The following EPHA5 variants were observed in gnomAD, a reference collection of about 807,000 sequenced individuals.
EPHA5 encodes ephrin type-A receptor 5.
Under a neutral mutation model 105.0 loss-of-function variants are expected in EPHA5, and 60 were observed. The observed-to-expected ratio is 0.57, with a 90% CI of 0.46 to 0.71. EPHA5 has a LOEUF of 0.71. EPHA5 is among the 30% of genes least tolerant of loss of function. The probability of loss-of-function intolerance (pLI) is 0.00; values close to 1 mark genes in which losing one functional copy is unlikely to be tolerated. For missense variants in EPHA5, 1,218 were observed against 1,274.7 expected (o/e 0.96, Z 0.68); for synonymous variants, 513 against 449.1 (o/e 1.14, Z -1.80).
At chr4:65,464,999 TAAG>T (rs1285423568) in intron 5 of EPHA5, among the ~76,000 whole-genome samples, 1 of 152,016 alleles carries the variant, frequency 6.6e-6, no homozygotes, top group African/African-American at 2.4e-5. Context: ...AAGAGACAAA[TAAG>T]AACATTACAA....
chr4:65,331,185 G>A (rs1720579930), intron 16 of EPHA5: 2 of 1,027,226 alleles, frequency 1.9e-6, no homozygotes, highest in Non-Finnish European at 2.3e-6. Flanking sequence ...ATATTCACAG[G>A]TTAAAACATT....
intron 3 of EPHA5, among the ~76,000 whole-genome samples, chr4:65,547,874 T>A (rs1737536133): frequency 6.6e-6 from 1 of 152,014 alleles, no homozygotes; most frequent in Non-Finnish European, 1.5e-5. Context: ...GAAGGCAATC[T>A]TATATAGAAT....
Position 65,363,957 on chromosome 4 carries a change from T to TA in EPHA5, c.2173+1059dup, listed in dbSNP as rs1026949853. Reference sequence around the variant, plus strand: ...ATAAAATATTTTTGTTTTATTCCATTAAAAAAATGCTGTTTCCTCTGCCTG... The same window carrying TA: ...ATAAAATATTTTTGTTTTATTCCATTAAAAAAAATGCTGTTTCCTCTGCCTG... On this transcript the variant is annotated intron_variant, in intron 11 of 16. Coordinates refer to ENST00000613740, the MANE Select transcript of EPHA5 (RefSeq NM_001281766.3). Among the ~76,000 whole-genome samples the TA allele has an allele frequency of 5.3e-5, 8 of 151,628 alleles. No homozygotes were observed. In the East Asian group the frequency reaches 7.8e-4, roughly 15 times the overall value.
At chr4:65,518,433 A>C (rs112834119) in intron 3 of EPHA5, among the ~76,000 whole-genome samples, 183 of 151,846 alleles carry the variant, frequency 1.2e-3, no homozygotes, top group African/African-American at 4.0e-3. Flanking sequence ...ACACACACAC[A>C]CCCACACACA....
intron 3 of EPHA5, among the ~76,000 whole-genome samples, chr4:65,545,116 T>G (rs1425823388): frequency 6.6e-6 from 1 of 151,934 alleles, no homozygotes; most frequent in Non-Finnish European, 1.5e-5. Context: ...GCCATTAAAA[T>G]GCACAAATAT....
intron 7 of EPHA5, among the ~76,000 whole-genome samples, chr4:65,413,098 C>T (rs1723066606): frequency 6.6e-6 from 1 of 151,972 alleles, no homozygotes; most frequent in Admixed American, 6.6e-5. Context: ...TTTCAAGGTG[C>T]AGGATTAAAC....
chr4:65,578,415 A>G (rs1230529932), intron 3 of EPHA5, among the ~76,000 whole-genome samples: 15 of 152,086 alleles, frequency 9.9e-5, no homozygotes. Flanking sequence ...TAGGACAGGC[A>G]CTCTCAGGGA....
chr4:65,533,230 A>T (rs1414853976), intron 3 of EPHA5, among the ~76,000 whole-genome samples: 1 of 152,176 alleles, frequency 6.6e-6, no homozygotes, highest in African/African-American at 2.4e-5. Context: ...AGGCTTAAGG[A>T]ATGTTAAAAA....
intron 1 of EPHA5, among the ~76,000 whole-genome samples, chr4:65,662,905 G>A (rs1312748135): frequency 6.6e-6 from 1 of 151,936 alleles, no homozygotes; most frequent in Non-Finnish European, 1.5e-5. Context: ...GCAAGTTATT[G>A]CACTCTGCTT....
At chr4:65,418,432 A>G (rs1022531331) in intron 6 of EPHA5, among the ~76,000 whole-genome samples, 1 of 152,178 alleles carries the variant, frequency 6.6e-6, no homozygotes, top group Non-Finnish European at 1.5e-5. Flanking sequence ...ATTCCACTTG[A>G]TTAACTACAG....
At chr4:65,365,763 G>A (rs1324075740) in intron 10 of EPHA5, among the ~76,000 whole-genome samples, 169 bp downstream of exon 10, 1 of 146,582 alleles carries the variant, frequency 6.8e-6, no homozygotes, top group Non-Finnish European at 1.5e-5. Context: ...GCTGGTTTAA[G>A]CTTGAGTTAC....
chr4:65,579,377 A>ATATAT (rs1560727039), intron 3 of EPHA5, among the ~76,000 whole-genome samples: 34 of 92,306 alleles, frequency 3.7e-4, no homozygotes, highest in African/African-American at 1.1e-3. Context: ...TATATATATA[A>ATATAT]ATATATATAT....
chr4:65,427,426 C>A (rs2149053528), intron 5 of EPHA5, among the ~76,000 whole-genome samples: 1 of 152,204 alleles, frequency 6.6e-6, no homozygotes, highest in East Asian at 1.9e-4. Context: ...CATGATCCAC[C>A]TACCTCGGCC....
At chr4:65,649,710 T>C (rs952830272) in intron 1 of EPHA5, among the ~76,000 whole-genome samples, 1 of 152,154 alleles carries the variant, frequency 6.6e-6, no homozygotes, top group Admixed American at 6.5e-5. Flanking sequence ...TCAATCCCCA[T>C]TATTCTATTA....
chr4:65,476,739 A>T (rs1052217164), intron 5 of EPHA5, among the ~76,000 whole-genome samples: 5 of 152,134 alleles, frequency 3.3e-5, no homozygotes, highest in African/African-American at 1.2e-4. Context: ...TTTAAAATAT[A>T]GTGTCTAAAG....
At chr4:65,513,097 T>C (rs1018014287) in intron 3 of EPHA5, among the ~76,000 whole-genome samples, 3 of 152,170 alleles carry the variant, frequency 2.0e-5, no homozygotes, top group Non-Finnish European at 4.4e-5. Context: ...TTAGGAAATA[T>C]GGCATTTGGG....
chr4:65,501,926 T>C (rs559843657), intron 3 of EPHA5, among the ~76,000 whole-genome samples: 2 of 151,616 alleles, frequency 1.3e-5, no homozygotes, highest in Admixed American at 1.3e-4. Flanking sequence ...TGGAACATAA[T>C]AGAGAATCCA....
chr4:65,347,795 G>C (rs1291305098), intron 14 of EPHA5, among the ~76,000 whole-genome samples: 1 of 152,098 alleles, frequency 6.6e-6, no homozygotes, highest in Non-Finnish European at 1.5e-5. Context: ...AGAATTGAGT[G>C]AAACATCACT....
intron 3 of EPHA5, among the ~76,000 whole-genome samples, chr4:65,524,397 C>T (rs1047012285): frequency 6.6e-6 from 1 of 151,684 alleles, no homozygotes; most frequent in African/African-American, 2.4e-5. Context: ...TATACTCTAA[C>T]AAACACATTC....
Sources: allele counts gnomAD v4.1 joint callset (sites outside exome capture counted in the v4.1 genomes callset), GRCh38; gene constraint gnomAD v4.1.1; transcripts MANE v1.5; gene names NCBI Gene and HGNC (gene_info 2026-07-23, HGNC 2026-07-21).